Variants in PCCA observed in about 807,000 individuals in gnomAD.
The protein encoded by PCCA is propionyl-CoA carboxylase subunit alpha.
In PCCA, 74 loss-of-function variants were observed where a neutral mutation model predicts 101.3. That is an observed-to-expected ratio of 0.73 (90% CI 0.61 to 0.89). The LOEUF (loss-of-function observed/expected upper bound fraction) is 0.89, where lower values mean the gene tolerates loss of function less well. PCCA is among the 40% of genes least tolerant of loss of function. The pLI, the probability that PCCA is intolerant of heterozygous loss-of-function variation, is 0.00. For synonymous variants in PCCA, 294 were observed against 313.6 expected (o/e 0.94, Z 0.66); for missense variants, 891 against 907.0 (o/e 0.98, Z 0.23).
Position 100,295,706 on chromosome 13 carries a change from A to G in PCCA, c.1066-5754A>G, listed in dbSNP as rs552779924. On this transcript the variant is annotated intron_variant, in intron 12 of 23. Coordinates refer to ENST00000376285, the MANE Select transcript of PCCA (RefSeq NM_000282.4). ...TGGTGGGCCTTACACTTTTAGGGGC[A>G]GTTTCTGCTTTGACTAAGCAACTGG... Among the ~76,000 whole-genome samples, 3 of 152,340 alleles carry G rather than the reference A, an allele frequency of 2.0e-5. No homozygotes were observed. In the South Asian group the frequency reaches 6.2e-4, roughly 32 times the overall value.
intron 7 of PCCA, among the ~76,000 whole-genome samples, chr13:100,222,165 G>A (rs890254121): frequency 8.5e-5 from 13 of 152,108 alleles, no homozygotes; most frequent in Admixed American, 5.2e-4. Context: ...CTCAGCCTCC[G>A]GAGTAGCTGG....
At chr13:100,128,850 C>T (rs1013715745) in intron 4 of PCCA, among the ~76,000 whole-genome samples, 5 of 152,080 alleles carry the variant, frequency 3.3e-5, no homozygotes. Context: ...CTCTGTGTCC[C>T]CTCTACAGGA....
At chr13:100,473,736 T>C (rs2083200379) in intron 21 of PCCA, among the ~76,000 whole-genome samples, 1 of 152,240 alleles carries the variant, frequency 6.6e-6, no homozygotes, top group African/African-American at 2.4e-5. Flanking sequence ...TTTGGCACAA[T>C]ATGCAGTTTG....
chr13:100,468,938 G>A (rs1290181678), intron 21 of PCCA, among the ~76,000 whole-genome samples: 1 of 151,940 alleles, frequency 6.6e-6, no homozygotes, highest in South Asian at 2.1e-4. Flanking sequence ...TTGACTGGGC[G>A]CGGTGGTTCA....
chr13:100,171,864 C>G (rs2055693082), intron 6 of PCCA, among the ~76,000 whole-genome samples: 1 of 152,012 alleles, frequency 6.6e-6, no homozygotes, highest in South Asian at 2.1e-4. Flanking sequence ...AACCCTGTCT[C>G]TACTACAAGT....
chr13:100,235,733 T>TG, intron 7 of PCCA, 109 bp from the exon 8 acceptor site: 5 of 771,668 alleles, frequency 6.5e-6, no homozygotes, highest in Non-Finnish European at 1.2e-5. Flanking sequence ...GTAGTAAAAT[T>TG]GAACATTAAA....
chr13:100,408,788 G>A (rs1595787354), intron 19 of PCCA, among the ~76,000 whole-genome samples: 3 of 152,300 alleles, frequency 2.0e-5, no homozygotes, highest in Non-Finnish European at 2.9e-5. Flanking sequence ...TGATAGTTCC[G>A]GGGTGGGGGT....
intron 21 of PCCA, among the ~76,000 whole-genome samples, chr13:100,512,241 T>G (rs987694551): frequency 2.6e-4 from 40 of 152,212 alleles, no homozygotes; most frequent in African/African-American, 8.9e-4. Context: ...GTGATTCCTT[T>G]TCTTTCTTTC....
intron 12 of PCCA, among the ~76,000 whole-genome samples, chr13:100,296,352 C>T (rs980826785): frequency 3.3e-5 from 5 of 151,684 alleles, no homozygotes; most frequent in African/African-American, 1.2e-4. Flanking sequence ...GTGATTCTCC[C>T]ACCTCAGCCT....
intron 6 of PCCA, among the ~76,000 whole-genome samples, chr13:100,188,677 A>G (rs927183577): frequency 6.6e-6 from 1 of 152,226 alleles, no homozygotes; most frequent in African/African-American, 2.4e-5. Flanking sequence ...TCCCAATAGC[A>G]GTGTAAAAGT....
At chr13:100,405,215 C>T (rs2077602857) in intron 19 of PCCA, among the ~76,000 whole-genome samples, 2 of 152,168 alleles carry the variant, frequency 1.3e-5, no homozygotes, top group Admixed American at 6.5e-5. Context: ...AAGGAAACCT[C>T]GGAGTGATGG....
chr13:100,432,212 T>C (rs1337917497), intron 20 of PCCA, among the ~76,000 whole-genome samples: 1 of 152,194 alleles, frequency 6.6e-6, no homozygotes, highest in Non-Finnish European at 1.5e-5. Flanking sequence ...CACAATTTAA[T>C]GATAGTCGTG....
chr13:100,488,638 T>G (rs12100366), intron 21 of PCCA, among the ~76,000 whole-genome samples: 13 of 65,556 alleles, frequency 2.0e-4, no homozygotes, highest in Admixed American at 5.9e-4. Flanking sequence ...GTTTTGTTTT[T>G]TTTTTGTTTT....
At chr13:100,410,300 T>C (rs2077960403) in intron 19 of PCCA, among the ~76,000 whole-genome samples, 1 of 152,194 alleles carries the variant, frequency 6.6e-6, no homozygotes, top group Non-Finnish European at 1.5e-5. Flanking sequence ...TGGAGTGCAT[T>C]GGCATGATCT....
At chr13:100,153,500 C>T (rs949925602) in intron 4 of PCCA, among the ~76,000 whole-genome samples, 5 of 152,092 alleles carry the variant, frequency 3.3e-5, no homozygotes, top group African/African-American at 1.2e-4. Context: ...TAAATGTATT[C>T]TTTTTAAAGG....
At position 100,287,496 on chromosome 13, in the gene PCCA, G is replaced by A. The variant is rs574518492; in HGVS notation, c.1066-13964G>A. Among the ~76,000 whole-genome samples the A allele has an allele frequency of 9.1e-4, 139 of 152,018 alleles. 1 individual carries two copies. The highest frequency in any genetic ancestry group is 3.1e-3 in the African/African-American group (129 of 41,522). On this transcript the variant is annotated intron_variant, in intron 12 of 23. Transcript: ENST00000376285. ...TGTTCTTAATAAGAAAAATGGTTAT[G>A]AAAAACATTTATATTTTTGTCATCA...
At chr13:100,164,737 G>A (rs925250063) in intron 6 of PCCA, among the ~76,000 whole-genome samples, 1 of 152,144 alleles carries the variant, frequency 6.6e-6, no homozygotes, top group African/African-American at 2.4e-5. Flanking sequence ...AATTTTAAGA[G>A]TGTGGCTCAG....
intron 12 of PCCA, among the ~76,000 whole-genome samples, chr13:100,295,796 T>TA (rs1464352601): frequency 6.6e-6 from 1 of 152,240 alleles, no homozygotes; most frequent in Non-Finnish European, 1.5e-5. Context: ...GGAATTTTAA[T>TA]ACTTCTCATC....
At chr13:100,341,987 T>TATATATATATATATATATATATTTA (rs1566963825) in intron 18 of PCCA, among the ~76,000 whole-genome samples, 2 of 68,818 alleles carry the variant, frequency 2.9e-5, no homozygotes, top group African/African-American at 1.1e-4. Context: ...ATATATGTAT[T>TATATATATATATATATATATATTTA]TATGTGTGTG....
Sources: gnomAD v4.1 joint callset for allele counts (sites outside exome capture counted in the v4.1 genomes callset) on GRCh38, gnomAD v4.1.1 for gene constraint, MANE v1.5 for transcripts, NCBI Gene and HGNC (gene_info 2026-07-23, HGNC 2026-07-21) for gene names.